TMEM131: variants seen among roughly 807,000 people sequenced by gnomAD.
The protein encoded by TMEM131 is transmembrane protein 131.
A neutral mutation model predicts 211.6 loss-of-function variants in TMEM131; 66 were observed. The ratio of observed to expected loss-of-function variants is 0.31; its 90% CI spans 0.26 to 0.38. TMEM131 has a LOEUF of 0.38. Ranked by LOEUF, TMEM131 falls within the 10% of genes least tolerant of loss-of-function variation. The pLI, the probability that TMEM131 is intolerant of heterozygous loss-of-function variation, is 1.00. For synonymous variants in TMEM131, 844 were observed against 841.3 expected (o/e 1.00, Z -0.06); for missense variants, 2,036 against 2,299.3 (o/e 0.89, Z 2.34).
At position 97,825,671 on chromosome 2, in the gene TMEM131, G is replaced by A. The variant is rs189845072; in HGVS notation, c.1075-6950C>T. ...CACAGGACAACACTTCTCTTTATACGTCAGAGAGAGAGCAGGGATAGCTCT... is the reference window on the plus strand; with the variant it reads ...CACAGGACAACACTTCTCTTTATACATCAGAGAGAGAGCAGGGATAGCTCT... On this transcript the variant is annotated intron_variant, in intron 11 of 40. Transcript: ENST00000186436. 3.0e-3 allele frequency among the ~76,000 whole-genome samples: 453 copies of A among 152,252 alleles called. 2 individuals carry two copies. The highest frequency in any genetic ancestry group is 0.01 in the African/African-American group (434 of 41,538).
intron 12 of TMEM131, among the ~76,000 whole-genome samples, chr2:97,816,338 C>T (rs1559377820): frequency 6.6e-6 from 1 of 151,516 alleles, no homozygotes; most frequent in African/African-American, 2.4e-5. Flanking sequence ...GAGACTCTGA[C>T]CCAAAAAAAC....
At chr2:97,874,663 C>T (rs1344508325) in intron 4 of TMEM131, among the ~76,000 whole-genome samples, 2 of 152,186 alleles carry the variant, frequency 1.3e-5, no homozygotes, top group African/African-American at 2.4e-5. Context: ...CCTTTACAGA[C>T]AAGCAAATGC....
chr2:97,829,870 G>T (rs1682580872), intron 11 of TMEM131, among the ~76,000 whole-genome samples: 1 of 151,996 alleles, frequency 6.6e-6, no homozygotes, highest in Admixed American at 6.5e-5. Context: ...AATATTTTTT[G>T]AGTGTTATCA....
chr2:97,951,287 A>G (rs1303911370), intron 1 of TMEM131, among the ~76,000 whole-genome samples: 2 of 152,188 alleles, frequency 1.3e-5, no homozygotes, highest in African/African-American at 4.8e-5. Context: ...TGTGATGGTA[A>G]TATGTGTCTG....
intron 2 of TMEM131, among the ~76,000 whole-genome samples, chr2:97,917,935 G>T (rs1318810597): frequency 6.6e-6 from 1 of 151,362 alleles, no homozygotes; most frequent in East Asian, 1.9e-4. Flanking sequence ...CACATGATTG[G>T]TTTTTTTCTC....
intron 11 of TMEM131, among the ~76,000 whole-genome samples, chr2:97,821,346 A>G (rs568377939): frequency 6.6e-6 from 1 of 152,318 alleles, no homozygotes; most frequent in East Asian, 1.9e-4. Context: ...AAAACGCACC[A>G]ATCAACACTG....
Position 97,943,027 on chromosome 2 carries a change from AAAAGAAAAGAAAAG to A in TMEM131, c.188-15554_188-15541del, listed in dbSNP as rs1559464327. On this transcript the variant is annotated intron_variant, in intron 1 of 40. Coordinates refer to ENST00000186436, the MANE Select transcript of TMEM131 (RefSeq NM_015348.2). ...GAAAAGAAAGAAAAGAAAAGAAAAG[AAAAGAAAAGAAAAG>A]AAAGAAAGAAAGAAAGAAAGAAAGA... Among the ~76,000 whole-genome samples, 86 of 49,704 alleles carry A rather than the reference AAAAGAAAAGAAAAG, an allele frequency of 1.7e-3. 1 individual carries two copies. The highest frequency in any genetic ancestry group is 9.7e-3 in the South Asian group (19 of 1,958). 32.6% of individuals were successfully genotyped at this position (49,704 alleles called of 152,430 possible). A position where few individuals can be genotyped will look rare whatever the true frequency, so the allele number is the denominator to read the frequency against.
chr2:97,869,741 G>A (rs1674417447), intron 4 of TMEM131, among the ~76,000 whole-genome samples: 1 of 152,170 alleles, frequency 6.6e-6, no homozygotes, highest in African/African-American at 2.4e-5. Flanking sequence ...GGTGACATGA[G>A]CAGAATCTAG....
intron 1 of TMEM131, among the ~76,000 whole-genome samples, chr2:97,932,520 C>G (rs981236761): frequency 6.6e-6 from 1 of 152,148 alleles, no homozygotes; most frequent in East Asian, 1.9e-4. Context: ...CTATGTAATT[C>G]AGATGTGCAG....
intron 10 of TMEM131, among the ~76,000 whole-genome samples, 177 bp from the exon 11 acceptor site, chr2:97,833,603 A>G (rs1265618817): frequency 1.3e-5 from 2 of 152,064 alleles, no homozygotes; most frequent in Non-Finnish European, 2.9e-5. Context: ...ATTGTGTATT[A>G]TAAGAACTGT....
chr2:97,844,673 C>G (rs2105112212), intron 5 of TMEM131, among the ~76,000 whole-genome samples: 1 of 152,266 alleles, frequency 6.6e-6, no homozygotes, highest in East Asian at 1.9e-4. Flanking sequence ...CTTATGAAAT[C>G]TGCCTTCCAT....
intron 2 of TMEM131, among the ~76,000 whole-genome samples, chr2:97,917,633 G>A (rs1310240413): frequency 2.0e-5 from 3 of 152,138 alleles, no homozygotes; most frequent in African/African-American, 7.2e-5. Flanking sequence ...ATGGCGGAAG[G>A]GGAAGCAAAC....
chr2:97,938,294 C>G (rs1395974812), intron 1 of TMEM131, among the ~76,000 whole-genome samples: 1 of 152,130 alleles, frequency 6.6e-6, no homozygotes, highest in African/African-American at 2.4e-5. Context: ...ATCTCACCTG[C>G]AGAGACACAC....
At chr2:97,922,775 GA>G (rs1374719328) in intron 2 of TMEM131, among the ~76,000 whole-genome samples, 2 of 152,156 alleles carry the variant, frequency 1.3e-5, no homozygotes, top group African/African-American at 4.8e-5. Context: ...AGCTTGAGGG[GA>G]AACTTTGGAG....
intron 32 of TMEM131, among the ~76,000 whole-genome samples, chr2:97,775,293 G>A (rs1436899300): frequency 6.6e-6 from 1 of 152,190 alleles, no homozygotes; most frequent in South Asian, 2.1e-4. Flanking sequence ...GTGCTGATGT[G>A]TCCTGGGCTG....
chr2:97,827,231 C>T (rs13010004), intron 11 of TMEM131: 179,844 of 756,706 alleles, frequency 0.24, 24,515 homozygotes, highest in Middle Eastern at 0.33. Context: ...CTGGCACGCG[C>T]CTTCCCCGCC....
At chr2:97,868,795 C>A (rs1397173957) in intron 4 of TMEM131, among the ~76,000 whole-genome samples, 1 of 152,132 alleles carries the variant, frequency 6.6e-6, no homozygotes, top group African/African-American at 2.4e-5. Context: ...CAGTAGAACT[C>A]CTCAAACCAA....
chr2:97,858,679 C>G (rs933701703), intron 5 of TMEM131, among the ~76,000 whole-genome samples: 1 of 152,174 alleles, frequency 6.6e-6, no homozygotes, highest in Admixed American at 6.6e-5. Flanking sequence ...GAAAGATGCG[C>G]TGTTGCTGGC....
At chr2:97,780,672 A>G (rs1679951677) in intron 31 of TMEM131, among the ~76,000 whole-genome samples, 1 of 152,142 alleles carries the variant, frequency 6.6e-6, no homozygotes, top group Non-Finnish European at 1.5e-5. Flanking sequence ...ATTATTTGCC[A>G]ATTAAAAAAA....
Sources: gnomAD v4.1 joint callset for allele counts (sites outside exome capture counted in the v4.1 genomes callset) on GRCh38, gnomAD v4.1.1 for gene constraint, MANE v1.5 for transcripts, NCBI Gene and HGNC (gene_info 2026-07-23, HGNC 2026-07-21) for gene names.